The following PCED1B variants were observed in gnomAD, a reference collection of about 807,000 sequenced individuals.
PCED1B encodes the protein PC-esterase domain-containing protein 1B.
For synonymous variants in PCED1B, 251 were observed against 246.1 expected, an observed-to-expected ratio of 1.02 and a Z score of -0.19; for missense variants, 573 against 573.9, an observed-to-expected ratio of 1.00 and a Z score of 0.02.
chr12:47,144,396 G>C (rs186445870), intron 2 of PCED1B, among the ~76,000 whole-genome samples: 6 of 152,280 alleles, frequency 3.9e-5, no homozygotes, highest in African/African-American at 1.4e-4. Flanking sequence ...CTATTGTCTT[G>C]ATGATTCTTT....
chr12:47,141,883 C>G (rs999605208), intron 2 of PCED1B, among the ~76,000 whole-genome samples: 1 of 152,126 alleles, frequency 6.6e-6, no homozygotes, highest in Non-Finnish European at 1.5e-5. Context: ...CAGGGCAGTC[C>G]TTCCCACCAA....
intron 1 of PCED1B, among the ~76,000 whole-genome samples, chr12:47,082,837 A>G (rs941758139): frequency 2.6e-5 from 4 of 152,042 alleles, no homozygotes; most frequent in African/African-American, 9.7e-5. Flanking sequence ...ATGGGTTGCC[A>G]AGACAGATGG....
rs1040077066 is a variant in PCED1B at position 47,168,111 on chromosome 12, G to A, written c.-525-48111G>A. Among the ~76,000 whole-genome samples the A allele has an allele frequency of 2.0e-5, 3 of 152,186 alleles. No homozygotes were observed. The South Asian group carries it at 6.2e-4, about 32-fold the overall frequency. On this transcript the variant is annotated intron_variant, in intron 2 of 3. Coordinates refer to ENST00000546455, the MANE Select transcript of PCED1B (RefSeq NM_138371.3). Reference sequence around the variant, plus strand: ...CAGAGATTGCTTTTTCTATATTCTGGAAAAGTACCAGTTCCATATGAATTA... The same window carrying A: ...CAGAGATTGCTTTTTCTATATTCTGAAAAAGTACCAGTTCCATATGAATTA...
chr12:47,102,443 T>C (rs1387810991), intron 1 of PCED1B, among the ~76,000 whole-genome samples: 1 of 152,250 alleles, frequency 6.6e-6, no homozygotes, highest in African/African-American at 2.4e-5. Flanking sequence ...ACCCCAGTAC[T>C]GTGTTATACA....
intron 2 of PCED1B, among the ~76,000 whole-genome samples, chr12:47,164,293 T>C (rs1174332498): frequency 1.3e-5 from 2 of 152,158 alleles, no homozygotes; most frequent in Non-Finnish European, 2.9e-5. Context: ...TTAAAACTTA[T>C]TTACTTTCAA....
At chr12:47,167,488 T>G (rs1252854008) in intron 2 of PCED1B, among the ~76,000 whole-genome samples, 1 of 152,126 alleles carries the variant, frequency 6.6e-6, no homozygotes, top group East Asian at 1.9e-4. Context: ...AAATGTGAGG[T>G]GTGTTTCACC....
intron 2 of PCED1B, among the ~76,000 whole-genome samples, chr12:47,127,961 C>T (rs564072270): frequency 7.9e-5 from 12 of 152,062 alleles, no homozygotes; most frequent in Non-Finnish European, 1.0e-4. Context: ...ATTATGATAC[C>T]GCTTTATGCT....
chr12:47,214,306 G>A (rs146646127), intron 2 of PCED1B, among the ~76,000 whole-genome samples: 13 of 152,268 alleles, frequency 8.5e-5, no homozygotes, highest in African/African-American at 3.1e-4. Flanking sequence ...AGACAATTAT[G>A]TCACATTATA....
intron 3 of PCED1B, among the ~76,000 whole-genome samples, chr12:47,217,733 C>A (rs184117069): frequency 4.1e-4 from 63 of 152,002 alleles, no homozygotes; most frequent in African/African-American, 1.4e-3. Flanking sequence ...CGCGACACCA[C>A]TCCCAGCTAA....
At chr12:47,141,221 T>A (rs1940579808) in intron 2 of PCED1B, among the ~76,000 whole-genome samples, 1 of 152,210 alleles carries the variant, frequency 6.6e-6, no homozygotes, top group Non-Finnish European at 1.5e-5. Flanking sequence ...CCCTTGATCA[T>A]ATTTCCCCAC....
chr12:47,110,306 G>A lies in PCED1B; in HGVS notation c.-526+6111G>A, dbSNP rs778922898. On this transcript the variant is annotated intron_variant, in intron 2 of 3. Transcript: ENST00000546455. ...GTTAAAAACAAAAATGCTGTGTTTGGAGGCCATAATGTGAGCTTTTGTCAA... is the reference window on the plus strand; with the variant it reads ...GTTAAAAACAAAAATGCTGTGTTTGAAGGCCATAATGTGAGCTTTTGTCAA... Among the ~76,000 whole-genome samples, 4 of 152,166 alleles carry A rather than the reference G, an allele frequency of 2.6e-5. No homozygotes were observed. In the East Asian group the frequency reaches 7.7e-4, roughly 29 times the overall value.
At chr12:47,225,457 G>T (rs552480317) in intron 3 of PCED1B, among the ~76,000 whole-genome samples, 1 of 152,300 alleles carries the variant, frequency 6.6e-6, no homozygotes, top group South Asian at 2.1e-4. Context: ...CCAAAGAAAA[G>T]TTCGAATTGT....
chr12:47,176,958 A>C (rs980568500), intron 2 of PCED1B, among the ~76,000 whole-genome samples: 1 of 152,262 alleles, frequency 6.6e-6, no homozygotes, highest in African/African-American at 2.4e-5. Context: ...AGTCAAAACT[A>C]TCTCCAGTGG....
At chr12:47,173,803 T>G (rs768728588) in intron 2 of PCED1B, among the ~76,000 whole-genome samples, 7 of 152,180 alleles carry the variant, frequency 4.6e-5, no homozygotes, top group Non-Finnish European at 7.3e-5. Flanking sequence ...TTTCAGATCT[T>G]TAAAAAAATG....
At chr12:47,184,795 T>G (rs902107086) in intron 2 of PCED1B, among the ~76,000 whole-genome samples, 3 of 152,160 alleles carry the variant, frequency 2.0e-5, no homozygotes, top group African/African-American at 4.8e-5. Flanking sequence ...TGAATCCAGA[T>G]CTATGAAAAT....
intron 2 of PCED1B, among the ~76,000 whole-genome samples, chr12:47,121,264 G>A (rs567697797): frequency 3.3e-5 from 5 of 152,298 alleles, no homozygotes; most frequent in Non-Finnish European, 7.4e-5. Context: ...ATGAGACTTT[G>A]GCAGAAGGCA....
At chr12:47,079,943 A>G (rs79609374) in intron 1 of PCED1B, 40,832 of 151,484 alleles carry the variant, frequency 0.27, 5,966 homozygotes, top group Middle Eastern at 0.38. Flanking sequence ...TCCTGCGGGC[A>G]GCAGCTCGGA....
At chr12:47,167,776 C>G (rs1337366852) in intron 2 of PCED1B, among the ~76,000 whole-genome samples, 1 of 152,132 alleles carries the variant, frequency 6.6e-6, no homozygotes, top group African/African-American at 2.4e-5. Flanking sequence ...AACAGCAGAG[C>G]CCAGAGAGGG....
chr12:47,136,467 T>C (rs1310365598), intron 2 of PCED1B, among the ~76,000 whole-genome samples: 1 of 152,182 alleles, frequency 6.6e-6, no homozygotes, highest in Non-Finnish European at 1.5e-5. Flanking sequence ...AAGTGAATAA[T>C]AAGAAGGCAG....
Sources: allele counts gnomAD v4.1 joint callset (sites outside exome capture counted in the v4.1 genomes callset), GRCh38; gene constraint gnomAD v4.1.1; transcripts MANE v1.5; gene names NCBI Gene and HGNC (gene_info 2026-07-23, HGNC 2026-07-21).